SLC39A14: variants seen among roughly 807,000 people sequenced by gnomAD.
The protein encoded by SLC39A14 is solute carrier family 39 member 14.
A neutral mutation model predicts 45.5 loss-of-function variants in SLC39A14; 19 were observed. The ratio of observed to expected loss-of-function variants is 0.42; its 90% CI spans 0.29 to 0.61. The LOEUF (loss-of-function observed/expected upper bound fraction) is 0.61, where lower values mean the gene tolerates loss of function less well. Ranked by LOEUF, SLC39A14 falls within the 20% of genes least tolerant of loss-of-function variation. The probability of loss-of-function intolerance (pLI) is 0.22; values close to 1 mark genes in which losing one functional copy is unlikely to be tolerated. For missense variants in SLC39A14, 447 were observed against 616.5 expected (o/e 0.73, Z 2.91); for synonymous variants, 264 against 251.3 (o/e 1.05, Z -0.48).
At position 22,428,441 on chromosome 8, in the gene SLC39A14, CTTTTTT is replaced by C. The variant is rs59846887; in HGVS notation, c.1333-5436_1333-5431del. On this transcript the variant is annotated intron_variant, in intron 8 of 8. Transcript: ENST00000240095. ...TTTTGTGTTCCTCGGTTCATATGTT[CTTTTTT>C]TTTTTTTTTTTTTGAGACTGAGTCT... Among the ~76,000 whole-genome samples the C allele has an allele frequency of 4.3e-5, 5 of 116,420 alleles. No homozygotes were observed. In the South Asian group the frequency reaches 1.2e-3, roughly 28 times the overall value. 76.4% of individuals were successfully genotyped at this position (116,420 alleles called of 152,430 possible).
chr8:22,396,925 T>C (rs1159207605), intron 1 of SLC39A14, among the ~76,000 whole-genome samples: 1 of 152,154 alleles, frequency 6.6e-6, no homozygotes, highest in Non-Finnish European at 1.5e-5. Flanking sequence ...TTAATATATC[T>C]CTGATTAGAT....
intron 2 of SLC39A14, 127 bp downstream of exon 2, chr8:22,405,107 A>G (rs529788832): frequency 7.9e-5 from 63 of 794,284 alleles, no homozygotes; most frequent in Non-Finnish European, 1.1e-4. Context: ...ACAAGTCTCG[A>G]TGATAGAGTG....
At chr8:22,397,903 G>A (rs1834600737) in intron 1 of SLC39A14, among the ~76,000 whole-genome samples, 1 of 152,192 alleles carries the variant, frequency 6.6e-6, no homozygotes, top group Admixed American at 6.5e-5. Context: ...CCAAGAGAGT[G>A]GTGGGAGCTA....
At chr8:22,391,803 C>T (rs988665006) in intron 1 of SLC39A14, among the ~76,000 whole-genome samples, 2 of 152,136 alleles carry the variant, frequency 1.3e-5, no homozygotes, top group Non-Finnish European at 2.9e-5. Context: ...CTCCTGACCT[C>T]GTGATCCGCC....
At chr8:22,392,485 G>A (rs1834133115) in intron 1 of SLC39A14, among the ~76,000 whole-genome samples, 1 of 152,100 alleles carries the variant, frequency 6.6e-6, no homozygotes, top group African/African-American at 2.4e-5. Flanking sequence ...CTGCTTCATG[G>A]GGGTGACGTA....
intron 8 of SLC39A14, 80 bp from the exon 9 acceptor site, chr8:22,419,472 A>G (rs990459369): frequency 2.3e-5 from 32 of 1,396,856 alleles, no homozygotes; most frequent in Non-Finnish European, 2.9e-5. Flanking sequence ...AACCTGATCT[A>G]TATCTCCATC....
At chr8:22,398,167 CA>C (rs1834619249) in intron 1 of SLC39A14, 1 of 152,278 alleles carries the variant, frequency 6.6e-6, no homozygotes, top group South Asian at 2.1e-4. Flanking sequence ...TCCACTCCCT[CA>C]CCCACCCCTG....
chr8:22,420,105 A>G lies in SLC39A14; in HGVS notation c.*407A>G, dbSNP rs1836139580. The G allele has an allele frequency of 2.0e-6, 2 of 990,426 alleles. No homozygotes were observed. Among genetic ancestry groups the G allele is most frequent in the Non-Finnish European group, 2.4e-6 (2 of 833,208 alleles). 61.4% of individuals were successfully genotyped at this position (990,426 alleles called of 1,614,324 possible). ...GCTAGAAATATCAAGAGTTGAATCC[A>G]TAGTGTGGGGCCCATGACTCTAGCT... On this transcript the variant is annotated 3_prime_UTR_variant, in exon 9 of 9. Transcript: ENST00000381237.
At chr8:22,391,098 C>T (rs1315163897) in intron 1 of SLC39A14, among the ~76,000 whole-genome samples, 1 of 152,192 alleles carries the variant, frequency 6.6e-6, no homozygotes, top group Non-Finnish European at 1.5e-5. Context: ...TGGGACTTAG[C>T]CTAGAGTCTT....
rs182213037 is a variant in SLC39A14 at position 22,393,963 on chromosome 8, G to A, written c.-15-10733G>A. ...GCTGGGATTACAGACATGGGCCACC[G>A]CCCCCAGCCCTGTAATGATTTTTTA... On this transcript the variant is annotated intron_variant, in intron 1 of 8. Transcript: ENST00000381237. Among the ~76,000 whole-genome samples, 574 of 151,624 alleles carry A rather than the reference G, an allele frequency of 3.8e-3. 2 individuals are homozygous for A. Among genetic ancestry groups the A allele is most frequent in the Non-Finnish European group, 6.6e-3 (449 of 67,954 alleles).
At position 22,384,590 on chromosome 8, in the gene SLC39A14, A is replaced by T. The variant is rs190541169; in HGVS notation, c.-16+17182A>T. 8.6e-3 allele frequency among the ~76,000 whole-genome samples: 1,311 copies of T among 152,064 alleles called. 9 individuals are homozygous for T. Among genetic ancestry groups the T allele is most frequent in the Non-Finnish European group, 0.016 (1,069 of 67,988 alleles). On this transcript the variant is annotated intron_variant, in intron 1 of 8. Transcript: ENST00000381237. ...TGGCTAAACCCTGTCTCTACAAAAAATACAAAAATTAGCCAGGCGTGGTGG... is the reference window on the plus strand; with the variant it reads ...TGGCTAAACCCTGTCTCTACAAAAATTACAAAAATTAGCCAGGCGTGGTGG...
chr8:22,423,676 G>C (rs1836328258), downstream of SLC39A14, among the ~76,000 whole-genome samples: 1 of 151,788 alleles, frequency 6.6e-6, no homozygotes, highest in Non-Finnish European at 1.5e-5. Context: ...ATGTTGGCCA[G>C]GCTGGTCTCA....
intron 1 of SLC39A14, among the ~76,000 whole-genome samples, chr8:22,372,407 T>G (rs1008634678): frequency 1.3e-5 from 2 of 152,234 alleles, no homozygotes; most frequent in Non-Finnish European, 2.9e-5. Flanking sequence ...GCACATAGAA[T>G]GCTTTTAGCA....
At chr8:22,405,187 C>T (rs1206811660) in intron 2 of SLC39A14, among the ~76,000 whole-genome samples, 1 of 152,188 alleles carries the variant, frequency 6.6e-6, no homozygotes, top group African/African-American at 2.4e-5. Context: ...ACCTTCTGAC[C>T]CCCTGCATAG....
At chr8:22,426,158 C>T (rs1227732508), downstream of SLC39A14, among the ~76,000 whole-genome samples, 2 of 152,142 alleles carry the variant, frequency 1.3e-5, no homozygotes, top group Non-Finnish European at 2.9e-5. Flanking sequence ...TCCCAAAGTG[C>T]TGGGATTACA....
At position 22,391,074 on chromosome 8, in the gene SLC39A14, A is replaced by T. The variant is rs149962174; in HGVS notation, c.-15-13622A>T. Among the ~76,000 whole-genome samples the T allele has an allele frequency of 4.5e-3, 686 of 152,294 alleles. 5 individuals are homozygous for T. Among genetic ancestry groups the T allele is most frequent in the African/African-American group, 0.016 (665 of 41,558 alleles). ...CCCAGCTCTGCAACGTGATCTTTGC[A>T]AATAGGTAGCTCCTGGGACTTAGCC... is the stretch of plus-strand genomic sequence containing the variant. On this transcript the variant is annotated intron_variant, in intron 1 of 8. Coordinates refer to ENST00000381237, the MANE Select transcript of SLC39A14 (RefSeq NM_001128431.4).
intron 1 of SLC39A14, among the ~76,000 whole-genome samples, chr8:22,378,946 C>G (rs182051007): frequency 6.6e-6 from 1 of 152,180 alleles, no homozygotes; most frequent in Non-Finnish European, 1.5e-5. Flanking sequence ...GGCTTAAAAA[C>G]GACAGAAATG....
At chr8:22,369,349 A>AACTC (rs1252782127) in intron 1 of SLC39A14, among the ~76,000 whole-genome samples, 1 of 152,220 alleles carries the variant, frequency 6.6e-6, no homozygotes, top group East Asian at 1.9e-4. Context: ...AGGCTAGAGG[A>AACTC]ACTCACTGAC....
chr8:22,407,435 G>A (rs7842033), intron 2 of SLC39A14, among the ~76,000 whole-genome samples: 25,636 of 147,114 alleles, frequency 0.17, 6,327 homozygotes, highest in African/African-American at 0.55. Flanking sequence ...ATCTCGGCTC[G>A]CTGCAACCTC....
Sources: allele counts gnomAD v4.1 joint callset (sites outside exome capture counted in the v4.1 genomes callset), GRCh38; gene constraint gnomAD v4.1.1; transcripts MANE v1.5; gene names NCBI Gene and HGNC (gene_info 2026-07-23, HGNC 2026-07-21).